Variants in RIN2 observed in about 807,000 individuals in gnomAD.
RIN2 encodes Ras and Rab interactor 2.
RIN2 carries 36 observed loss-of-function variants against 78.0 expected under a neutral mutation model. The observed-to-expected ratio is 0.46, with a 90% CI of 0.35 to 0.61. The LOEUF (loss-of-function observed/expected upper bound fraction) is 0.61, where lower values mean the gene tolerates loss of function less well. RIN2 is among the 20% of genes least tolerant of loss of function. RIN2 has a pLI of 0.00. For synonymous variants in RIN2, 466 were observed against 466.8 expected, an observed-to-expected ratio of 1.00 and a Z score of 0.02; for missense variants, 1,087 against 1,159.7, an observed-to-expected ratio of 0.94 and a Z score of 0.91.
At chr20:19,979,607 G>A (rs142976311) in intron 9 of RIN2, among the ~76,000 whole-genome samples, 47 of 151,844 alleles carry the variant, frequency 3.1e-4, no homozygotes, top group African/African-American at 1.1e-3. Context: ...TTCAGATCTG[G>A]GTTTTTTTTG....
Position 20,000,597 on chromosome 20 carries a change from C to A in RIN2, c.2365-16C>A. The A allele has an allele frequency of 6.4e-7, 1 of 1,573,988 alleles. No homozygotes were observed. The highest frequency in any genetic ancestry group is 8.7e-7 in the Non-Finnish European group (1 of 1,155,106). ...TTTCTCTTCTGACTGTCTCAACATTCCTCTTCCACCTGCAGAATTACCTCC... is the reference window on the plus strand; with the variant it reads ...TTTCTCTTCTGACTGTCTCAACATTACTCTTCCACCTGCAGAATTACCTCC... On this transcript the variant is annotated splice_polypyrimidine_tract_variant and intron_variant, in intron 12 of 12. Transcript: ENST00000255006.
chr20:19,786,380 C>T (rs137882300), intron 1 of RIN2, among the ~76,000 whole-genome samples: 45 of 152,278 alleles, frequency 3.0e-4, no homozygotes, highest in Middle Eastern at 3.4e-3. Context: ...AAACTAGCCC[C>T]GGGCAAACAG....
At chr20:19,792,544 G>A (rs1600467589) in intron 1 of RIN2, among the ~76,000 whole-genome samples, 1 of 152,286 alleles carries the variant, frequency 6.6e-6, no homozygotes, top group East Asian at 1.9e-4. Context: ...AAGCTCACAG[G>A]AGCAAGGGGT....
intron 2 of RIN2, among the ~76,000 whole-genome samples, chr20:19,869,401 C>T (rs559621550): frequency 3.9e-5 from 6 of 152,192 alleles, no homozygotes; most frequent in South Asian, 2.1e-4. Flanking sequence ...GGTGGGGAGA[C>T]GAAGCCACGT....
At chr20:19,878,138 C>A (rs1311253049) in intron 2 of RIN2, among the ~76,000 whole-genome samples, 2 of 152,224 alleles carry the variant, frequency 1.3e-5, no homozygotes, top group East Asian at 3.8e-4. Context: ...CCTAGCCTCA[C>A]CCCTCCTCGT....
intron 2 of RIN2, among the ~76,000 whole-genome samples, chr20:19,869,628 GT>G (rs35058562): frequency 0.11 from 15,755 of 143,176 alleles, 1,000 homozygotes; most frequent in East Asian, 0.27. Context: ...TTGTTCTTGG[GT>G]TTTTTTTTTT....
chr20:19,887,180 CTAT>C (rs1233824775), intron 2 of RIN2, among the ~76,000 whole-genome samples: 3 of 106,126 alleles, frequency 2.8e-5, no homozygotes, highest in Admixed American at 2.2e-4. Context: ...CCATGCCCAT[CTAT>C]TTTTTTTTTT....
chr20:19,881,849 A>G (rs1450788168), intron 2 of RIN2, among the ~76,000 whole-genome samples: 2 of 152,234 alleles, frequency 1.3e-5, no homozygotes, highest in African/African-American at 2.4e-5. Context: ...CATTGTAAGA[A>G]TAAAGAGTAT....
chr20:19,785,868 T>C (rs1402937369), intron 1 of RIN2, among the ~76,000 whole-genome samples: 5 of 152,232 alleles, frequency 3.3e-5, no homozygotes, highest in Non-Finnish European at 7.3e-5. Flanking sequence ...TTTTATACTT[T>C]AAAAAGTAAT....
At chr20:19,971,121 C>A (rs937192018) in intron 8 of RIN2, among the ~76,000 whole-genome samples, 192 bp downstream of exon 8, 12 of 152,034 alleles carry the variant, frequency 7.9e-5, no homozygotes, top group African/African-American at 2.2e-4. Context: ...TCTGAGGCAT[C>A]TTCCTGGGGA....
At chr20:19,935,318 G>C in intron 4 of RIN2, 119 bp downstream of exon 4, 1 of 1,242,312 alleles carries the variant, frequency 8.0e-7, no homozygotes, top group African/African-American at 1.5e-5. Context: ...TGTGGTAGCA[G>C]CTCTAGATGA....
chr20:19,937,125 A>AT (rs1479799773), intron 4 of RIN2, among the ~76,000 whole-genome samples: 1 of 152,138 alleles, frequency 6.6e-6, no homozygotes, highest in Non-Finnish European at 1.5e-5. Context: ...TGTCTTGCTG[A>AT]TTTTTTAGAA....
At chr20:19,932,527 C>A (rs922784936) in intron 3 of RIN2, among the ~76,000 whole-genome samples, 3 of 152,176 alleles carry the variant, frequency 2.0e-5, no homozygotes, top group African/African-American at 7.2e-5. Flanking sequence ...TTTCCTCTCT[C>A]GAGGCCCCAG....
chr20:19,814,576 A>T (rs1466782888), intron 2 of RIN2, among the ~76,000 whole-genome samples: 1 of 152,192 alleles, frequency 6.6e-6, no homozygotes, highest in Non-Finnish European at 1.5e-5. Flanking sequence ...GATTAAAGTC[A>T]TTCAATCTCT....
chr20:19,978,064 A>G (rs1274168290), intron 9 of RIN2, among the ~76,000 whole-genome samples: 1 of 152,136 alleles, frequency 6.6e-6, no homozygotes, highest in Admixed American at 6.5e-5. Context: ...CAGTCCCCAT[A>G]GAGGTGCACT....
chr20:19,979,337 A>G (rs2042375584), intron 9 of RIN2, among the ~76,000 whole-genome samples: 1 of 152,214 alleles, frequency 6.6e-6, no homozygotes, highest in Non-Finnish European at 1.5e-5. Context: ...CAGAAAAGAG[A>G]CAGTACTGTG....
rs111390604 is a variant in RIN2 at position 19,933,262 on chromosome 20, T to C, written c.58-1837T>C. 5.8e-3 allele frequency among the ~76,000 whole-genome samples: 882 copies of C among 152,332 alleles called. 8 individuals are homozygous for C. The highest frequency in any genetic ancestry group is 0.02 in the African/African-American group (835 of 41,570). ...ATCATGGAAGACTCAAGGTGGTGAA[T>C]ACCATGATCTACAAAGTTGGCAAGA... is the stretch of plus-strand genomic sequence containing the variant. On this transcript the variant is annotated intron_variant, in intron 3 of 12. Transcript: ENST00000255006.
At chr20:19,881,602 C>T (rs1325726381) in intron 2 of RIN2, among the ~76,000 whole-genome samples, 1 of 152,094 alleles carries the variant, frequency 6.6e-6, no homozygotes, top group African/African-American at 2.4e-5. Flanking sequence ...AGAGACAGAG[C>T]CCCTCACAGA....
At chr20:19,893,464 C>T (rs1025926872) in intron 3 of RIN2, among the ~76,000 whole-genome samples, 1 of 152,118 alleles carries the variant, frequency 6.6e-6, no homozygotes, top group African/African-American at 2.4e-5. Flanking sequence ...CATTATCCTC[C>T]CCATCCAGTT....
Sources: allele counts gnomAD v4.1 joint callset (sites outside exome capture counted in the v4.1 genomes callset), GRCh38; gene constraint gnomAD v4.1.1; transcripts MANE v1.5; gene names NCBI Gene and HGNC (gene_info 2026-07-23, HGNC 2026-07-21).